The following METTL15 variants were observed in gnomAD, a reference collection of about 807,000 sequenced individuals.
METTL15 encodes the protein 12S rRNA N(4)-cytidine methyltransferase METTL15.
In METTL15, 34 loss-of-function variants were observed where a neutral mutation model predicts 38.3. The observed-to-expected ratio is 0.89, with a 90% CI of 0.68 to 1.18. The LOEUF (loss-of-function observed/expected upper bound fraction) is 1.18, where lower values mean the gene tolerates loss of function less well. METTL15 is among the 50% of genes most tolerant of loss of function. The pLI, the probability that METTL15 is intolerant of heterozygous loss-of-function variation, is 0.00. For missense variants in METTL15, 438 were observed against 498.4 expected (o/e 0.88, Z 1.15); for synonymous variants, 162 against 170.9 (o/e 0.95, Z 0.41).
intron 4 of METTL15, among the ~76,000 whole-genome samples, chr11:28,216,861 C>T (rs1174045554): frequency 4.7e-5 from 7 of 149,978 alleles, no homozygotes; most frequent in Admixed American, 6.8e-5. Flanking sequence ...GGTTTCCAGC[C>T]TCATCCATGT....
In METTL15 at chr11:28,380,692, A is replaced by T. The variant is rs569760540; in HGVS notation, c.*358+18656A>T. 5.3e-5 allele frequency among the ~76,000 whole-genome samples: 8 copies of T among 152,308 alleles called. 1 individual carries two copies. The South Asian group carries it at 1.7e-3, about 32-fold the overall frequency. ...TGATCAGGCTTATTAAAAGCATCTT[A>T]TTGATATAAAAAGTTATGTTTAAAA... On this transcript the variant is annotated intron_variant and NMD_transcript_variant, in intron 5 of 7. Coordinates refer to the METTL15 transcript ENST00000532947.
At chr11:28,125,159 C>T (rs967814354) in intron 3 of METTL15, among the ~76,000 whole-genome samples, 1 of 151,976 alleles carries the variant, frequency 6.6e-6, no homozygotes, top group African/African-American at 2.4e-5. Flanking sequence ...GTAATAGAAA[C>T]CATCCAGATT....
At chr11:28,270,229 G>A (rs1855588447) in intron 4 of METTL15, among the ~76,000 whole-genome samples, 1 of 151,758 alleles carries the variant, frequency 6.6e-6, no homozygotes, top group Non-Finnish European at 1.5e-5. Context: ...GCATTTTTTT[G>A]TATTTTGACA....
intron 3 of METTL15, among the ~76,000 whole-genome samples, chr11:28,136,890 C>G (rs1849531364): frequency 6.6e-6 from 1 of 150,502 alleles, no homozygotes; most frequent in African/African-American, 2.4e-5. Flanking sequence ...GTTCTTTTGC[C>G]AAAATGATGA....
intron 4 of METTL15, among the ~76,000 whole-genome samples, chr11:28,244,614 T>C (rs574671412): frequency 6.6e-6 from 1 of 152,338 alleles, no homozygotes; most frequent in Non-Finnish European, 1.5e-5. Flanking sequence ...CTGACATATG[T>C]CCAGGTTTGA....
At chr11:28,449,145 C>G (rs1851098609) in intron 6 of METTL15, among the ~76,000 whole-genome samples, 1 of 152,142 alleles carries the variant, frequency 6.6e-6, no homozygotes, top group Non-Finnish European at 1.5e-5. Context: ...TAGCCATACT[C>G]CCTGTTGAGA....
intron 6 of METTL15, among the ~76,000 whole-genome samples, chr11:28,521,720 A>G (rs2133512526): frequency 2.0e-5 from 3 of 152,108 alleles, no homozygotes; most frequent in Middle Eastern, 6.8e-3. Context: ...GGGTCAGGGT[A>G]TTATTATCCT....
chr11:28,304,812 C>G (rs1041873273), intron 6 of METTL15, among the ~76,000 whole-genome samples: 8 of 152,036 alleles, frequency 5.3e-5, no homozygotes, highest in African/African-American at 1.9e-4. Context: ...ATTTGACATC[C>G]TTTTATTGTT....
At chr11:28,413,602 C>T (rs1370172357) in intron 5 of METTL15, among the ~76,000 whole-genome samples, 1 of 152,078 alleles carries the variant, frequency 6.6e-6, no homozygotes, top group Non-Finnish European at 1.5e-5. Flanking sequence ...TCTTCTGACT[C>T]TAGAAATGGT....
chr11:28,197,595 C>A, intron 3 of METTL15: 1 of 379,880 alleles, frequency 2.6e-6, no homozygotes, highest in Non-Finnish European at 5.5e-6. Flanking sequence ...TATAGTATGG[C>A]CTTTTCTACG....
intron 6 of METTL15, among the ~76,000 whole-genome samples, chr11:28,444,833 G>C (rs1481295065): frequency 6.6e-6 from 1 of 152,100 alleles, no homozygotes; most frequent in Non-Finnish European, 1.5e-5. Flanking sequence ...TGTAAGCAAG[G>C]CATTTCTCCT....
chr11:28,265,696 A>G (rs1855386587), intron 4 of METTL15, among the ~76,000 whole-genome samples: 1 of 152,086 alleles, frequency 6.6e-6, no homozygotes, highest in Non-Finnish European at 1.5e-5. Context: ...CATCAAGTTG[A>G]ATGATTTCGT....
At chr11:28,397,699 G>A (rs1031343018) in intron 5 of METTL15, among the ~76,000 whole-genome samples, 6 of 152,050 alleles carry the variant, frequency 3.9e-5, no homozygotes, top group African/African-American at 4.8e-5. Flanking sequence ...CAGGGATCTA[G>A]AACTAGAAAT....
intron 5 of METTL15, among the ~76,000 whole-genome samples, chr11:28,378,005 C>G (rs1247888296): frequency 6.6e-6 from 1 of 152,142 alleles, no homozygotes; most frequent in Admixed American, 6.5e-5. Flanking sequence ...AGGAAGCAGT[C>G]TGCCCGTTCT....
At chr11:28,460,004 A>G (rs1447722164) in intron 6 of METTL15, among the ~76,000 whole-genome samples, 3 of 152,002 alleles carry the variant, frequency 2.0e-5, no homozygotes, top group African/African-American at 7.2e-5. Context: ...TGTGTTTTTG[A>G]AGTGTTTTTA....
At chr11:28,115,267 T>G (rs1382582385) in intron 3 of METTL15, among the ~76,000 whole-genome samples, 1 of 152,016 alleles carries the variant, frequency 6.6e-6, no homozygotes, top group Non-Finnish European at 1.5e-5. Flanking sequence ...TCGTTTTCTT[T>G]TTTTTTTTGA....
chr11:28,371,673 G>A (rs779491717), intron 5 of METTL15, among the ~76,000 whole-genome samples: 1 of 151,858 alleles, frequency 6.6e-6, no homozygotes, highest in African/African-American at 2.4e-5. Flanking sequence ...TTTACTTCAT[G>A]AGTCATTTAT....
chr11:28,408,199 T>C (rs1850691139), intron 5 of METTL15, among the ~76,000 whole-genome samples: 4 of 152,098 alleles, frequency 2.6e-5, no homozygotes, highest in Admixed American at 2.6e-4. Context: ...AAATAGCCAA[T>C]GCATGCGGGG....
chr11:28,528,565 T>A (rs1851826839), downstream of METTL15, among the ~76,000 whole-genome samples: 1 of 152,236 alleles, frequency 6.6e-6, no homozygotes, highest in South Asian at 2.1e-4. Flanking sequence ...TTTTGGTCTT[T>A]GCAGTGCCAA....
Sources: gnomAD v4.1 joint callset for allele counts (sites outside exome capture counted in the v4.1 genomes callset) on GRCh38, gnomAD v4.1.1 for gene constraint, MANE v1.5 for transcripts, NCBI Gene and HGNC (gene_info 2026-07-23, HGNC 2026-07-21) for gene names.